Variants in ZEB1 observed in about 807,000 individuals in gnomAD.
ZEB1 encodes zinc finger E-box-binding homeobox 1.
ZEB1 carries 21 observed loss-of-function variants against 84.9 expected under a neutral mutation model. That is an observed-to-expected ratio of 0.25 (90% CI 0.18 to 0.36). The LOEUF (loss-of-function observed/expected upper bound fraction) is 0.36. Ranked by LOEUF, ZEB1 falls within the 10% of genes least tolerant of loss-of-function variation. The pLI is 1.00. For missense variants in ZEB1, 1,104 were observed against 1,330.2 expected, an observed-to-expected ratio of 0.83 and a Z score of 2.65; for synonymous variants, 420 against 471.1, an observed-to-expected ratio of 0.89 and a Z score of 1.41.
At chr10:31,344,532 C>T (rs1038673956) in intron 1 of ZEB1, among the ~76,000 whole-genome samples, 12 of 152,066 alleles carry the variant, frequency 7.9e-5, no homozygotes, top group Admixed American at 2.0e-4. Flanking sequence ...TGCTTAGGCT[C>T]ACTTCAATTT....
chr10:31,508,341 G>A, intron 4 of ZEB1, among the ~76,000 whole-genome samples: 1 of 152,138 alleles, frequency 6.6e-6, no homozygotes, highest in Non-Finnish European at 1.5e-5. Context: ...AGGCTCCTGG[G>A]CAGTGGATGT....
chr10:31,434,595 T>C (rs1354009201), intron 1 of ZEB1, among the ~76,000 whole-genome samples: 1 of 152,194 alleles, frequency 6.6e-6, no homozygotes, highest in Non-Finnish European at 1.5e-5. Flanking sequence ...TGAAACTTTA[T>C]GTCCCTTTCA....
In ZEB1 at chr10:31,456,960, A is replaced by G. The variant is rs572721697; in HGVS notation, c.59-4077A>G. Among the ~76,000 whole-genome samples, 14 of 152,286 alleles carry G rather than the reference A, an allele frequency of 9.2e-5. No individual in the cohort carries two copies. In the South Asian group the frequency reaches 2.9e-3, roughly 32 times the overall value. ...CAACTACCACCATCAAGAAGTCAAC[A>G]TGTCTTTACATTCTGATGACAATAA... is the stretch of plus-strand genomic sequence containing the variant. On this transcript the variant is annotated intron_variant, in intron 1 of 8. Transcript: ENST00000424869.
chr10:31,423,704 A>G (rs377020640), intron 1 of ZEB1, among the ~76,000 whole-genome samples: 2 of 152,106 alleles, frequency 1.3e-5, no homozygotes, highest in African/African-American at 2.4e-5. Context: ...AAAGCTGGCT[A>G]TATAGCAAGT....
intron 1 of ZEB1, among the ~76,000 whole-genome samples, chr10:31,443,336 T>G (rs949923413): frequency 4.6e-5 from 7 of 152,164 alleles, no homozygotes; most frequent in Non-Finnish European, 2.9e-5. Flanking sequence ...TTTCTGTGTA[T>G]AGTTATGGGT....
intron 1 of ZEB1, among the ~76,000 whole-genome samples, chr10:31,450,735 C>T (rs2060460442): frequency 6.6e-6 from 1 of 152,060 alleles, no homozygotes; most frequent in African/African-American, 2.4e-5. Flanking sequence ...AAATGCCTTT[C>T]TGTATCTATA....
At chr10:31,398,155 A>C (rs950758406) in intron 1 of ZEB1, among the ~76,000 whole-genome samples, 13 of 152,164 alleles carry the variant, frequency 8.5e-5, no homozygotes, top group African/African-American at 3.1e-4. Flanking sequence ...AAATATTAAA[A>C]TATAATCTTT....
intron 2 of ZEB1, among the ~76,000 whole-genome samples, chr10:31,479,085 C>T (rs1389866560): frequency 6.6e-6 from 1 of 151,594 alleles, no homozygotes; most frequent in Admixed American, 6.6e-5. Context: ...TAAACAAAGA[C>T]AGAGGATGAT....
At chr10:31,407,647 T>G (rs904278866) in intron 1 of ZEB1, among the ~76,000 whole-genome samples, 12 of 152,180 alleles carry the variant, frequency 7.9e-5, no homozygotes, top group African/African-American at 2.9e-4. Flanking sequence ...AAAAACCACA[T>G]GATTATCTCA....
At chr10:31,377,113 G>A (rs2046778128) in intron 1 of ZEB1, among the ~76,000 whole-genome samples, 1 of 137,068 alleles carries the variant, frequency 7.3e-6, no homozygotes, top group Admixed American at 7.4e-5. Context: ...TTGCAATACA[G>A]AATTTTTTTT....
chr10:31,374,072 A>G (rs1355491705), intron 1 of ZEB1, among the ~76,000 whole-genome samples: 1 of 151,856 alleles, frequency 6.6e-6, no homozygotes, highest in African/African-American at 2.4e-5. Context: ...ATCTGAGATT[A>G]TTCCAGCATG....
chr10:31,318,986 A>T, upstream of ZEB1: 1 of 539,314 alleles, frequency 1.9e-6, no homozygotes, highest in Middle Eastern at 5.2e-4. Flanking sequence ...CCTGAGGAAA[A>T]CTTTTCCCTC....
At chr10:31,499,801 C>T (rs1208261605) in intron 3 of ZEB1, among the ~76,000 whole-genome samples, 4 of 151,688 alleles carry the variant, frequency 2.6e-5, no homozygotes, top group Non-Finnish European at 4.4e-5. Context: ...ATGAAGAAAA[C>T]ATAAAGTATA....
intron 1 of ZEB1, among the ~76,000 whole-genome samples, chr10:31,331,749 C>A (rs1342464337): frequency 6.6e-6 from 1 of 152,070 alleles, no homozygotes; most frequent in Non-Finnish European, 1.5e-5. Context: ...ATATTATGTG[C>A]AAAGGCATAA....
chr10:31,395,919 G>A (rs777947303), intron 1 of ZEB1, among the ~76,000 whole-genome samples: 5 of 152,172 alleles, frequency 3.3e-5, no homozygotes, highest in African/African-American at 7.2e-5. Context: ...AATCAAGGCA[G>A]TTTATTCTTA....
Position 31,520,685 on chromosome 10 carries a change from A to G in ZEB1, c.1353A>G (p.Gln451=), listed in dbSNP as rs542897532. ...AAACAATCAATGCTTCACCCATACA[A>G]CAAGGTGGCCATTCTGTTATTTCAG... ...EQETINASPI[Q]QGGHSVISAI... is the part of the protein sequence containing the mutation. Residue 451 remains glutamine (Q), a synonymous_variant, in exon 7 of 9, where the codon CAA becomes CAG. Transcript: ENST00000424869. The surrounding 1 kb of genome is among the most constrained non-coding windows in gnomAD (Gnocchi z 5.1). 17 of 1,614,130 alleles carry G rather than the reference A, an allele frequency of 1.1e-5. No homozygotes were observed. The African/African-American group carries it at 1.7e-4, about 16-fold the overall frequency.
chr10:31,501,621 TC>T (rs150705107), intron 3 of ZEB1, among the ~76,000 whole-genome samples: 5,828 of 148,754 alleles, frequency 0.039, 348 homozygotes, highest in African/African-American at 0.13. Flanking sequence ...AAAGTAGAGC[TC>T]CCCCCCCCAT....
chr10:31,363,520 C>T (rs1437426570), intron 1 of ZEB1: 3 of 1,529,184 alleles, frequency 2.0e-6, no homozygotes, highest in Admixed American at 3.9e-5. Flanking sequence ...GCTACAGGGG[C>T]CCCTTTTATT....
intron 2 of ZEB1, among the ~76,000 whole-genome samples, chr10:31,474,242 G>A (rs1345345444): frequency 6.6e-6 from 1 of 151,702 alleles, no homozygotes; most frequent in South Asian, 2.1e-4. Context: ...CTTCTGTACA[G>A]CAAAGGAAAC....
Sources: gnomAD v4.1 joint callset for allele counts (sites outside exome capture counted in the v4.1 genomes callset) on GRCh38, gnomAD v4.1.1 for gene constraint, Gnocchi (gnomAD v3.1) non-coding constraint, MANE v1.5 for transcripts, NCBI Gene and HGNC (gene_info 2026-07-23, HGNC 2026-07-21) for gene names.